SLC4A4: variants seen among roughly 807,000 people sequenced by gnomAD.
The protein encoded by SLC4A4 is solute carrier family 4 member 4, also known as electrogenic sodium bicarbonate cotransporter 1.
SLC4A4 carries 27 observed loss-of-function variants against 111.5 expected under a neutral mutation model. That is an observed-to-expected ratio of 0.24 (90% CI 0.18 to 0.33). SLC4A4 has a LOEUF of 0.33. Among genes scored for constraint, SLC4A4 ranks in the 10% least tolerant of loss-of-function variants. The probability of loss-of-function intolerance (pLI) is 1.00; values close to 1 mark genes in which losing one functional copy is unlikely to be tolerated. For synonymous variants in SLC4A4, 443 were observed against 463.4 expected (o/e 0.96, Z 0.57); for missense variants, 909 against 1,315.5 (o/e 0.69, Z 4.78).
chr4:71,192,663 TA>T (rs1745784220), intron 1 of SLC4A4, among the ~76,000 whole-genome samples: 1 of 152,180 alleles, frequency 6.6e-6, no homozygotes, highest in African/African-American at 2.4e-5. Context: ...AGCTCTTCCT[TA>T]TTTTCCCCTC....
intron 3 of SLC4A4, chr4:71,300,977 A>G: frequency 2.0e-6 from 1 of 494,430 alleles, no homozygotes; most frequent in Admixed American, 2.1e-5. Flanking sequence ...ATGTGAAGGG[A>G]GCAGCTTAGT....
intron 1 of SLC4A4, among the ~76,000 whole-genome samples, chr4:71,205,350 A>G (rs996033749): frequency 1.3e-5 from 2 of 152,168 alleles, no homozygotes; most frequent in Non-Finnish European, 2.9e-5. Context: ...TTTGCATACG[A>G]TTAACATCTT....
chr4:71,245,663 C>G (rs531336002), intron 2 of SLC4A4, among the ~76,000 whole-genome samples: 2 of 151,818 alleles, frequency 1.3e-5, no homozygotes, highest in Non-Finnish European at 2.9e-5. Flanking sequence ...ACTCTGAAGC[C>G]GGTAGTTGAC....
At chr4:71,267,450 G>T (rs185659550) in intron 3 of SLC4A4, among the ~76,000 whole-genome samples, 43 of 152,258 alleles carry the variant, frequency 2.8e-4, no homozygotes, top group African/African-American at 9.4e-4. Context: ...GTACAAGAGT[G>T]GTTATCTAAG....
chr4:71,181,926 G>T (rs1349117720), intron 2 of SLC4A4, among the ~76,000 whole-genome samples: 1 of 152,172 alleles, frequency 6.6e-6, no homozygotes, highest in Non-Finnish European at 1.5e-5. Flanking sequence ...TGAGGTGAAA[G>T]GGAGTGCTGT....
intron 16 of SLC4A4, among the ~76,000 whole-genome samples, chr4:71,525,811 A>G (rs1393387765): frequency 6.6e-6 from 1 of 152,112 alleles, no homozygotes; most frequent in Non-Finnish European, 1.5e-5. Flanking sequence ...CTTTATTGAT[A>G]TATTGACCTA....
chr4:71,139,325 T>G (rs56894794), intron 2 of SLC4A4, among the ~76,000 whole-genome samples: 1 of 152,056 alleles, frequency 6.6e-6, no homozygotes, highest in Non-Finnish European at 1.5e-5. Flanking sequence ...TTCTACAATC[T>G]TCCTGCTTAT....
At chr4:71,421,735 T>C (rs530233911) in intron 7 of SLC4A4, among the ~76,000 whole-genome samples, 24 of 152,200 alleles carry the variant, frequency 1.6e-4, no homozygotes, top group Non-Finnish European at 2.8e-4. Context: ...CCTGAATGAC[T>C]ACTGGGTACA....
intron 14 of SLC4A4, among the ~76,000 whole-genome samples, chr4:71,477,922 GA>G (rs368938946): frequency 6.6e-6 from 1 of 151,618 alleles, no homozygotes; most frequent in African/African-American, 2.4e-5. Flanking sequence ...AAATTTACAA[GA>G]AAAAAACAAA....
At position 71,567,811 on chromosome 4, in the gene SLC4A4, T is replaced by C. The variant is rs755575355; in HGVS notation, c.*60T>C. ...AGTCCTCCTAGAACTCCAGTAAAAGTTGTGCCTCAAATTAGAATAGAACTT... is the reference window on the plus strand; with the variant it reads ...AGTCCTCCTAGAACTCCAGTAAAAGCTGTGCCTCAAATTAGAATAGAACTT... On this transcript the variant is annotated 3_prime_UTR_variant, in exon 26 of 26. Coordinates refer to ENST00000264485, the MANE Select transcript of SLC4A4 (RefSeq NM_001098484.3). 3.9e-6 allele frequency: 6 copies of C among 1,540,532 alleles called. No homozygotes were observed. Among genetic ancestry groups the C allele is most frequent in the South Asian group, 2.5e-5 (2 of 80,882 alleles).
intron 9 of SLC4A4, 145 bp downstream of exon 9, chr4:71,447,878 A>T: frequency 2.8e-6 from 2 of 716,070 alleles, no homozygotes; most frequent in Non-Finnish European, 5.1e-6. Context: ...GAGACAAATG[A>T]GCTGAATCCT....
intron 3 of SLC4A4, among the ~76,000 whole-genome samples, chr4:71,289,951 T>G (rs1166021850): frequency 6.6e-6 from 1 of 152,186 alleles, no homozygotes; most frequent in Non-Finnish European, 1.5e-5. Context: ...TGGTAATTAT[T>G]TAGGCAGCAA....
At chr4:71,089,210 T>C (rs78668176) in intron 1 of SLC4A4, among the ~76,000 whole-genome samples, 1,933 of 152,190 alleles carry the variant, frequency 0.013, 65 homozygotes, top group African/African-American at 0.044. Flanking sequence ...GGGTTGTGCA[T>C]TCGTCACATA....
chr4:71,463,915 C>T (rs915610505), intron 12 of SLC4A4, among the ~76,000 whole-genome samples: 2 of 152,106 alleles, frequency 1.3e-5, no homozygotes, highest in Admixed American at 1.3e-4. Context: ...TTTTGTATTG[C>T]TCTTTTCCCC....
intron 16 of SLC4A4, among the ~76,000 whole-genome samples, chr4:71,499,279 T>G (rs915389316): frequency 6.6e-6 from 1 of 152,136 alleles, no homozygotes; most frequent in Admixed American, 6.6e-5. Context: ...AGTTTCAACT[T>G]TGAGATGAAT....
chr4:71,516,076 ATTTCTTTTTTTTTTTTT>A (rs1732354139), intron 16 of SLC4A4, among the ~76,000 whole-genome samples: 1 of 54,512 alleles, frequency 1.8e-5, no homozygotes, highest in Non-Finnish European at 3.6e-5. Context: ...GGTTTGGGGG[ATTTCTTTTTTTTTTTTT>A]TTTTTTTTTT....
intron 3 of SLC4A4, among the ~76,000 whole-genome samples, chr4:71,271,313 C>A (rs762278228): frequency 2.2e-4 from 34 of 152,250 alleles, no homozygotes; most frequent in Non-Finnish European, 4.4e-4. Context: ...AGAGAGGGGA[C>A]AAGTATGAGA....
Position 71,569,723 on chromosome 4 carries a change from G to A in SLC4A4, c.*1972G>A, listed in dbSNP as rs559836992. On this transcript the variant is annotated 3_prime_UTR_variant, in exon 26 of 26. Transcript: ENST00000264485. ...ATGCACTTATTGACTCCCACTCATT[G>A]TTATGTTAATTAAGTTATTATTCTG... The A allele has an allele frequency of 1.3e-5, 2 of 151,696 alleles. No individual in the cohort carries two copies. Among genetic ancestry groups the A allele is most frequent in the South Asian group, 2.1e-4 (1 of 4,820 alleles). 9.4% of individuals were successfully genotyped at this position (151,696 alleles called of 1,614,324 possible). A position where few individuals can be genotyped will look rare whatever the true frequency, so the allele number is the denominator to read the frequency against.
intron 1 of SLC4A4, among the ~76,000 whole-genome samples, chr4:71,074,649 G>T (rs1741759158): frequency 6.6e-6 from 1 of 151,792 alleles, no homozygotes; most frequent in Non-Finnish European, 1.5e-5. Flanking sequence ...GAAGAGAAAG[G>T]AAGGAAGAAG....
Sources: gnomAD v4.1 joint callset for allele counts (sites outside exome capture counted in the v4.1 genomes callset) on GRCh38, gnomAD v4.1.1 for gene constraint, MANE v1.5 for transcripts, NCBI Gene and HGNC (gene_info 2026-07-23, HGNC 2026-07-21) for gene names.